CNBD2: variants seen among roughly 807,000 people sequenced by gnomAD.
CNBD2 encodes cyclic nucleotide binding domain containing 2.
A neutral mutation model predicts 63.7 loss-of-function variants in CNBD2; 64 were observed. That is an observed-to-expected ratio of 1.00 (90% CI 0.82 to 1.24). The LOEUF (loss-of-function observed/expected upper bound fraction) is 1.24. CNBD2 is among the 50% of genes most tolerant of loss of function. CNBD2 has a pLI of 0.00. For missense variants in CNBD2, 691 were observed against 713.5 expected (o/e 0.97, Z 0.36); for synonymous variants, 229 against 255.4 (o/e 0.90, Z 0.99).
Position 36,019,410 on chromosome 20 carries a change from C to G in CNBD2, c.1270-4192C>G, listed in dbSNP as rs2057177235. Reference sequence around the variant, plus strand: ...TGGTGGTGCACACCTGTAGTCCCAGCTACTCGGGAGGCTGAGGCAGGAGGA... The same window carrying G: ...TGGTGGTGCACACCTGTAGTCCCAGGTACTCGGGAGGCTGAGGCAGGAGGA... On this transcript the variant is annotated intron_variant, in intron 10 of 11. Coordinates refer to ENST00000373973, the MANE Select transcript of CNBD2 (RefSeq NM_001365709.1). 4.0e-5 allele frequency among the ~76,000 whole-genome samples: 6 copies of G among 151,498 alleles called. No homozygotes were observed. In the South Asian group the frequency reaches 1.3e-3, roughly 32 times the overall value.
chr20:36,012,773 G>T (rs1410111890), intron 10 of CNBD2, among the ~76,000 whole-genome samples: 1 of 140,672 alleles, frequency 7.1e-6, no homozygotes, highest in Non-Finnish European at 1.5e-5. Context: ...AGTGAGCTGA[G>T]ATCGCGCCAT....
intron 8 of CNBD2, among the ~76,000 whole-genome samples, chr20:35,995,586 C>A (rs2056814114): frequency 6.6e-6 from 1 of 152,172 alleles, no homozygotes. Flanking sequence ...TATGTTGTAG[C>A]AGATATCATT....
intron 11 of CNBD2, among the ~76,000 whole-genome samples, chr20:36,029,723 A>G (rs1323297884): frequency 6.6e-6 from 1 of 152,242 alleles, no homozygotes; most frequent in Non-Finnish European, 1.5e-5. Flanking sequence ...TGGCTGGAAG[A>G]ATGAATGTTC....
chr20:35,956,672 G>T (rs1295275077), downstream of CNBD2, among the ~76,000 whole-genome samples: 2 of 152,190 alleles, frequency 1.3e-5, no homozygotes, highest in African/African-American at 4.8e-5. Flanking sequence ...TGGGTTTGCT[G>T]CCCAGAGTGA....
Position 36,008,451 on chromosome 20 carries a change from CA to C in CNBD2, c.1127del (p.Lys376ArgfsTer19). 4 of 1,612,084 alleles carry C rather than the reference CA, an allele frequency of 2.5e-6. No individual in the cohort carries two copies. The highest frequency in any genetic ancestry group is 3.4e-6 in the Non-Finnish European group (4 of 1,179,498). The stretch of plus-strand genomic sequence containing the variant: ...TCAGAACCTCAGGAGACACTCTCCC[CA>C]AGATGCTGGGCCCGAAGATCCAGTA... ...KIRTSGDTLP[K>X]MLGPKIQSRP... On this transcript the variant is annotated frameshift_variant, in exon 9 of 12. Coordinates refer to ENST00000373973, the MANE Select transcript of CNBD2 (RefSeq NM_001365709.1). LOFTEE classifies it high-confidence loss of function.
upstream of CNBD2, among the ~76,000 whole-genome samples, chr20:35,964,389 A>G (rs1016140854): frequency 2.0e-5 from 3 of 151,232 alleles, no homozygotes; most frequent in Admixed American, 6.6e-5. Context: ...CATGTTGGTC[A>G]GGTTGGTCTC....
chr20:35,963,503 C>T (rs761327390), intron 2 of CNBD2, among the ~76,000 whole-genome samples: 13 of 151,676 alleles, frequency 8.6e-5, no homozygotes, highest in South Asian at 4.2e-4. Context: ...TAGCCAGGCA[C>T]GATGGTGGGT....
chr20:35,985,445 C>T (rs1309167722), intron 6 of CNBD2, among the ~76,000 whole-genome samples: 1 of 151,444 alleles, frequency 6.6e-6, no homozygotes, highest in Non-Finnish European at 1.5e-5. Context: ...GGATTACAGA[C>T]ATGAGCCCCC....
intron 5 of CNBD2, 146 bp from the exon 6 acceptor site, chr20:35,984,481 T>A: frequency 1.2e-6 from 1 of 861,078 alleles, no homozygotes; most frequent in African/African-American, 1.7e-5. Context: ...TGGGAGAATG[T>A]GCAGGAGAAT....
At chr20:36,018,323 G>C (rs2057162422) in intron 10 of CNBD2, among the ~76,000 whole-genome samples, 1 of 152,322 alleles carries the variant, frequency 6.6e-6, no homozygotes, top group South Asian at 2.1e-4. Flanking sequence ...TGCTGGAACA[G>C]GGAGTAAGGC....
rs1416435121 is a variant in CNBD2, at chr20:35,975,302, C to CT, written c.190-638dup. Among the ~76,000 whole-genome samples, 47 of 84,200 alleles carry CT rather than the reference C, an allele frequency of 5.6e-4. 1 individual carries two copies. Among genetic ancestry groups the CT allele is most frequent in the African/African-American group, 1.4e-3 (33 of 22,970 alleles). The allele number at this position is 84,200 out of a possible 152,430, so 55.2% of individuals were successfully genotyped here. On this transcript the variant is annotated intron_variant, in intron 2 of 11. Transcript: ENST00000373973. Reference sequence around the variant, plus strand: ...AGGCGTGAGCCACCGCGCCCGGCCTCTTTTTTTTTATTTTTTGAGATGGAG... The same window carrying CT: ...AGGCGTGAGCCACCGCGCCCGGCCTCTTTTTTTTTTATTTTTTGAGATGGAG...
Position 36,030,488 on chromosome 20 carries a change from T to G in CNBD2, c.1571T>G (p.Ile524Ser), listed in dbSNP as rs762517906. The change falls in exon 12 of 12, where the codon ATC becomes AGC. Residue 524 changes from isoleucine to serine, a missense_variant. Ile to Ser is a moderately radical substitution (Grantham distance 142). Transcript: ENST00000373973. ...FTPNRPKKRE[I>S]YNPKSVVLDL... ...CCAAACCGGCCCAAGAAGAGAGAGA[T>G]CTACAACCCTAAGTCTGTGGTCCTG... is the stretch of plus-strand genomic sequence containing the variant. 6.2e-7 allele frequency: 1 copy of G among 1,612,874 alleles called. No homozygotes were observed. The highest frequency in any genetic ancestry group is 1.3e-5 in the African/African-American group (1 of 74,588).
downstream of CNBD2, chr20:35,955,490 T>C (rs1167638557): frequency 6.6e-6 from 1 of 152,212 alleles, no homozygotes; most frequent in Non-Finnish European, 1.5e-5. Context: ...CTTGGTGGAA[T>C]CCCCTTTGAC....
chr20:35,954,539 C>T (rs2056228812), upstream of CNBD2: 1 of 1,507,768 alleles, frequency 6.6e-7, no homozygotes, highest in Non-Finnish European at 8.9e-7. Flanking sequence ...AAGCCGCTTG[C>T]GGGCTCCCGG....
At chr20:35,978,411 C>G (rs937636868) in intron 3 of CNBD2, among the ~76,000 whole-genome samples, 3 of 149,648 alleles carry the variant, frequency 2.0e-5, no homozygotes, top group African/African-American at 7.4e-5. Flanking sequence ...GTGGAGCGAT[C>G]TGGGCTCACT....
At chr20:35,988,643 A>T (rs1440689124) in intron 7 of CNBD2, among the ~76,000 whole-genome samples, 1 of 152,222 alleles carries the variant, frequency 6.6e-6, no homozygotes, top group Non-Finnish European at 1.5e-5. Flanking sequence ...CCATAGCCAT[A>T]GGTATAGGGA....
Position 36,023,604 on chromosome 20 carries a change from T to A in CNBD2, c.1272T>A (p.Gly424=). The change falls in exon 11 of 12, where the codon GGT becomes GGA. Residue 424 remains glycine (G), a splice_region_variant and synonymous_variant. Coordinates refer to ENST00000373973, the MANE Select transcript of CNBD2 (RefSeq NM_001365709.1). ...AACTTTCTGTGACTTCTCCCGAGGG[T>A]CTTCACCAGGCCTTCCTTCCAGAGG... is the stretch of plus-strand genomic sequence containing the variant. ...VHTVEQGEIL[G]LHQAFLPEGE... is the part of the protein sequence containing the mutation. 8 of 1,591,812 alleles carry A rather than the reference T, an allele frequency of 5.0e-6. No individual in the cohort carries two copies. Among genetic ancestry groups the A allele is most frequent in the South Asian group, 1.1e-5 (1 of 87,510 alleles).
chr20:35,990,055 C>T (rs1486707252), intron 7 of CNBD2, among the ~76,000 whole-genome samples: 2 of 152,158 alleles, frequency 1.3e-5, no homozygotes, highest in African/African-American at 2.4e-5. Context: ...CTTCAGGTTA[C>T]GTCTATTGTG....
intron 9 of CNBD2, among the ~76,000 whole-genome samples, chr20:36,010,597 C>T (rs1162345829): frequency 1.3e-5 from 2 of 151,882 alleles, no homozygotes; most frequent in South Asian, 2.1e-4. Flanking sequence ...ATTGTGAAAC[C>T]CTGTCTCTGC....
Sources: allele counts gnomAD v4.1 joint callset (sites outside exome capture counted in the v4.1 genomes callset), GRCh38; gene constraint gnomAD v4.1.1; transcripts MANE v1.5; gene names NCBI Gene and HGNC (gene_info 2026-07-23, HGNC 2026-07-21).